Variants in TAF1B observed in about 807,000 individuals in gnomAD.
TAF1B encodes the protein TATA-box binding protein associated factor, RNA polymerase I subunit B.
TAF1B carries 61 observed loss-of-function variants against 83.9 expected under a neutral mutation model. The ratio of observed to expected loss-of-function variants is 0.73; its 90% CI spans 0.59 to 0.90. TAF1B has a LOEUF of 0.90. Ranked by LOEUF, TAF1B falls within the 40% of genes least tolerant of loss-of-function variation. TAF1B has a pLI of 0.00. For missense variants in TAF1B, 625 were observed against 677.0 expected (o/e 0.92, Z 0.85); for synonymous variants, 221 against 224.6 (o/e 0.98, Z 0.14).
chr2:9,910,922 A>G lies in TAF1B; in HGVS notation c.1133+9A>G. On this transcript the variant is annotated intron_variant, in intron 10 of 14. Transcript: ENST00000263663. ...GATGACAGTTTCGAGTGGTAAGTGT[A>G]CGTCAATTTTATGACAAGTAACATT... The G allele has an allele frequency of 1.2e-6, 2 of 1,602,762 alleles. No homozygotes were observed. The highest frequency in any genetic ancestry group is 2.2e-5 in the South Asian group (2 of 89,314).
chr2:9,886,989 C>T (rs1664694535), intron 8 of TAF1B, among the ~76,000 whole-genome samples: 1 of 152,096 alleles, frequency 6.6e-6, no homozygotes, highest in South Asian at 2.1e-4. Context: ...CGCTTGAACC[C>T]AGGAAGCGGA....
chr2:9,844,313 C>T (rs922270377), intron 1 of TAF1B: 1 of 151,836 alleles, frequency 6.6e-6, no homozygotes, highest in Admixed American at 6.6e-5. Context: ...CCAAGCCCGG[C>T]TAATTTTTTT....
intron 8 of TAF1B, among the ~76,000 whole-genome samples, chr2:9,899,255 A>G (rs1665109837): frequency 6.6e-6 from 1 of 152,164 alleles, no homozygotes. Flanking sequence ...GTGGAATCAT[A>G]CAACATTTGA....
intron 5 of TAF1B, among the ~76,000 whole-genome samples, chr2:9,855,059 A>G (rs937767172): frequency 1.3e-5 from 2 of 152,092 alleles, no homozygotes; most frequent in African/African-American, 4.8e-5. Context: ...CAATGGCGCC[A>G]TCTTGGCTCA....
chr2:9,930,902 G>T (rs1329031705), intron 14 of TAF1B, among the ~76,000 whole-genome samples: 1 of 152,184 alleles, frequency 6.6e-6, no homozygotes, highest in Non-Finnish European at 1.5e-5. Context: ...TTGTTGAATT[G>T]ATCCCTTTAC....
intron 13 of TAF1B, 89 bp from the exon 14 acceptor site, chr2:9,919,509 A>G (rs1038110235): frequency 8.6e-7 from 1 of 1,166,664 alleles, no homozygotes; most frequent in Non-Finnish European, 1.3e-6. Flanking sequence ...AGGAACCAAT[A>G]TTGGTACATT....
At chr2:9,923,950 C>T (rs531035817) in intron 14 of TAF1B, among the ~76,000 whole-genome samples, 4 of 152,272 alleles carry the variant, frequency 2.6e-5, no homozygotes, top group South Asian at 2.1e-4. Flanking sequence ...TGTCGTGATC[C>T]GTACCTTTGT....
chr2:9,843,645 G>A (rs1312135167), intron 1 of TAF1B, 86 bp downstream of exon 1: 6 of 1,368,104 alleles, frequency 4.4e-6, no homozygotes, highest in Non-Finnish European at 3.9e-6. Context: ...GACGCCGCGG[G>A]TTGGGGCGGC....
At chr2:9,866,975 T>C (rs1021302603) in intron 5 of TAF1B, among the ~76,000 whole-genome samples, 3 of 152,054 alleles carry the variant, frequency 2.0e-5, no homozygotes, top group Non-Finnish European at 2.9e-5. Flanking sequence ...TTAGGAGATA[T>C]ACCTAATGCT....
intron 12 of TAF1B, among the ~76,000 whole-genome samples, chr2:9,915,291 A>G (rs552353062): frequency 6.6e-5 from 10 of 152,222 alleles, no homozygotes; most frequent in Non-Finnish European, 1.5e-4. Flanking sequence ...TATAAAAGAA[A>G]AAAAATTGGT....
chr2:9,849,547 A>AGGTT (rs1663318115), intron 3 of TAF1B, 87 bp downstream of exon 3: 1 of 1,008,896 alleles, frequency 9.9e-7, no homozygotes, highest in African/African-American at 1.7e-5. Flanking sequence ...AATTTTAAGT[A>AGGTT]GGTTCTAGAG....
rs933128409 is a variant in TAF1B, at chr2:9,845,202, T to C, written c.19-18T>C. The C allele has an allele frequency of 1.9e-6, 3 of 1,599,334 alleles. No individual in the cohort carries two copies. Among genetic ancestry groups the C allele is most frequent in the African/African-American group, 2.7e-5 (2 of 73,692 alleles). ...TGTGGCTTGATGGGAACACCTTTTC[T>C]GTCCTCTTCTCCCATAGGAAGAGTT... is the stretch of plus-strand genomic sequence containing the variant. On this transcript the variant is annotated intron_variant, in intron 1 of 14. Coordinates refer to ENST00000263663, the MANE Select transcript of TAF1B (RefSeq NM_005680.3).
intron 8 of TAF1B, among the ~76,000 whole-genome samples, chr2:9,902,274 G>A (rs929900330): frequency 6.0e-5 from 9 of 149,940 alleles, no homozygotes; most frequent in Non-Finnish European, 8.9e-5. Flanking sequence ...AGACACGTAG[G>A]AAAGTCTACA....
chr2:9,913,082 T>C (rs1665581071), intron 11 of TAF1B, 77 bp from the exon 12 acceptor site: 1 of 1,270,520 alleles, frequency 7.9e-7, no homozygotes, highest in African/African-American at 1.5e-5. Context: ...AGTCAATTAA[T>C]GAAAACTCAG....
In TAF1B at chr2:9,914,566, T is replaced by C. The variant is rs1215266957; in HGVS notation, c.1271+1317T>C. 6.6e-6 allele frequency among the ~76,000 whole-genome samples: 1 copy of C among 152,178 alleles called. No individual in the cohort carries two copies. Among genetic ancestry groups the C allele is most frequent in the African/African-American group, 2.4e-5 (1 of 41,442 alleles). On this transcript the variant is annotated intron_variant, in intron 12 of 14. Coordinates refer to ENST00000263663, the MANE Select transcript of TAF1B (RefSeq NM_005680.3). The surrounding 1 kb of genome is among the most constrained non-coding windows in gnomAD (Gnocchi z 4.3). Reference sequence around the variant, plus strand: ...CCTTACCCCAAGCCAGACACCAACCTACACTTTAAACATAGCTCTTGGAGG... The same window carrying C: ...CCTTACCCCAAGCCAGACACCAACCCACACTTTAAACATAGCTCTTGGAGG...
At chr2:9,864,521 C>CT (rs1663896376) in intron 5 of TAF1B, among the ~76,000 whole-genome samples, 1 of 152,174 alleles carries the variant, frequency 6.6e-6, no homozygotes, top group South Asian at 2.1e-4. Context: ...TAAGGAGGAG[C>CT]TGGTACCATT....
intron 5 of TAF1B, among the ~76,000 whole-genome samples, chr2:9,865,884 T>C (rs1663956958): frequency 6.6e-6 from 1 of 151,152 alleles, no homozygotes; most frequent in Non-Finnish European, 1.5e-5. Context: ...GCTAGCCATA[T>C]GTAGAAAGCT....
At chr2:9,861,991 G>T (rs895066889) in intron 5 of TAF1B, among the ~76,000 whole-genome samples, 5 of 152,102 alleles carry the variant, frequency 3.3e-5, no homozygotes, top group African/African-American at 1.2e-4. Flanking sequence ...CCACAAAGAT[G>T]GAGAAAAAAC....
At chr2:9,887,865 T>C (rs530233390) in intron 8 of TAF1B, among the ~76,000 whole-genome samples, 1 of 152,208 alleles carries the variant, frequency 6.6e-6, no homozygotes, top group South Asian at 2.1e-4. Context: ...GTTTTATGTT[T>C]TTTAAGGCAT....
Sources: allele counts gnomAD v4.1 joint callset (sites outside exome capture counted in the v4.1 genomes callset), GRCh38; gene constraint gnomAD v4.1.1; non-coding constraint Gnocchi (gnomAD v3.1); transcripts MANE v1.5; gene names NCBI Gene and HGNC (gene_info 2026-07-23, HGNC 2026-07-21).